Variants in PLPPR1 observed in about 807,000 individuals in gnomAD.
The protein encoded by PLPPR1 is phospholipid phosphatase related 1.
In PLPPR1, 10 loss-of-function variants were observed where a neutral mutation model predicts 33.1. The observed-to-expected ratio is 0.30, with a 90% confidence interval of 0.19 to 0.51. PLPPR1 has a LOEUF of 0.51. Ranked by LOEUF, PLPPR1 falls within the 20% of genes least tolerant of loss-of-function variation. The pLI is 0.97. For missense variants in PLPPR1, 304 were observed against 408.1 expected, an observed-to-expected ratio of 0.74 and a Z score of 2.20; for synonymous variants, 151 against 151.0, an observed-to-expected ratio of 1.00 and a Z score of 0.00.
intron 2 of PLPPR1, among the ~76,000 whole-genome samples, chr9:101,268,854 C>A (rs1346853627): frequency 2.0e-5 from 3 of 151,980 alleles, no homozygotes; most frequent in Admixed American, 1.3e-4. Context: ...TTTTAGTTTG[C>A]CTGTTTTGTT....
intron 1 of PLPPR1, among the ~76,000 whole-genome samples, chr9:101,035,257 G>A (rs1002859873): frequency 2.6e-5 from 4 of 152,162 alleles, no homozygotes; most frequent in African/African-American, 9.7e-5. Context: ...GAATCCCAGT[G>A]GATGTGGAAA....
At chr9:101,090,899 A>G (rs1830733543) in intron 1 of PLPPR1, among the ~76,000 whole-genome samples, 3 of 151,394 alleles carry the variant, frequency 2.0e-5, no homozygotes, top group Admixed American at 2.0e-4. Context: ...CCCATCCTCT[A>G]AATTCCACTG....
intron 3 of PLPPR1, among the ~76,000 whole-genome samples, chr9:101,278,810 A>G (rs368432292): frequency 1.4e-4 from 21 of 152,288 alleles, no homozygotes; most frequent in African/African-American, 4.8e-4. Flanking sequence ...CAGTGTCTAT[A>G]GGATCTGGAC....
chr9:101,309,487 T>C (rs1359568092), intron 5 of PLPPR1, 26 bp downstream of exon 5: 1 of 1,607,058 alleles, frequency 6.2e-7, no homozygotes, highest in East Asian at 2.2e-5. Flanking sequence ...TTGTCTCTCC[T>C]AAGTCCAGTT....
chr9:101,196,851 C>A (rs918329031), intron 2 of PLPPR1, among the ~76,000 whole-genome samples: 13 of 148,168 alleles, frequency 8.8e-5, no homozygotes, highest in Non-Finnish European at 1.8e-4. Flanking sequence ...GGCGACAGAG[C>A]AAGACTCTGT....
intron 1 of PLPPR1, among the ~76,000 whole-genome samples, chr9:101,090,251 C>A (rs1830725669): frequency 6.6e-6 from 1 of 152,134 alleles, no homozygotes; most frequent in Admixed American, 6.5e-5. Flanking sequence ...AACAAGGTCA[C>A]ATTCTGAGGT....
intron 2 of PLPPR1, among the ~76,000 whole-genome samples, chr9:101,250,822 G>A (rs1419850850): frequency 6.6e-6 from 1 of 152,002 alleles, no homozygotes; most frequent in African/African-American, 2.4e-5. Flanking sequence ...TAGATTTGGG[G>A]ACTAAACTGT....
At chr9:101,198,022 C>A (rs1826429364) in intron 2 of PLPPR1, among the ~76,000 whole-genome samples, 1 of 152,190 alleles carries the variant, frequency 6.6e-6, no homozygotes, top group Admixed American at 6.5e-5. Context: ...TTTCACTTGT[C>A]AGTCTTGTTT....
chr9:101,108,274 C>T (rs998130172), intron 1 of PLPPR1, among the ~76,000 whole-genome samples: 2 of 152,146 alleles, frequency 1.3e-5, no homozygotes, highest in African/African-American at 4.8e-5. Context: ...TCAGGTAATG[C>T]ATGATAAAAA....
At chr9:101,120,228 C>T (rs72741430) in intron 1 of PLPPR1, among the ~76,000 whole-genome samples, 22,803 of 152,210 alleles carry the variant, frequency 0.15, 2,090 homozygotes, top group Non-Finnish European at 0.2. Context: ...TATTTTTACT[C>T]CTGTTAGCAC....
intron 2 of PLPPR1, among the ~76,000 whole-genome samples, chr9:101,189,849 T>A (rs192264217): frequency 1.1e-3 from 170 of 152,270 alleles, no homozygotes; most frequent in African/African-American, 3.9e-3. Flanking sequence ...TTATATCAAA[T>A]GCAATTATGT....
chr9:101,144,592 C>G (rs1240826739), intron 1 of PLPPR1, among the ~76,000 whole-genome samples: 1 of 152,084 alleles, frequency 6.6e-6, no homozygotes, highest in African/African-American at 2.4e-5. Flanking sequence ...AAAACCAAAC[C>G]TATTGACACA....
At chr9:101,246,493 T>C (rs929522656) in intron 2 of PLPPR1, among the ~76,000 whole-genome samples, 17 of 152,026 alleles carry the variant, frequency 1.1e-4, no homozygotes, top group African/African-American at 4.1e-4. Context: ...TATTGGTAGA[T>C]ACTATTGTTT....
At position 101,323,761 on chromosome 9, in the gene PLPPR1, C is replaced by A. The variant is rs182710481; in HGVS notation, c.946-264C>A. Among the ~76,000 whole-genome samples, 410 of 152,042 alleles carry A rather than the reference C, an allele frequency of 2.7e-3. 3 individuals are homozygous for A. Among genetic ancestry groups the A allele is most frequent in the African/African-American group, 9.4e-3 (390 of 41,454 alleles). On this transcript the variant is annotated intron_variant, in intron 7 of 7. Coordinates refer to ENST00000374874, the MANE Select transcript of PLPPR1 (RefSeq NM_207299.2). ...GGCTGAGGCAGGAGAATTGCTTGAA[C>A]CCAGGAGGGAGAGGTTGCAGTAAGC...
chr9:101,066,472 G>T (rs1830416298), intron 1 of PLPPR1, among the ~76,000 whole-genome samples: 1 of 151,734 alleles, frequency 6.6e-6, no homozygotes, highest in Non-Finnish European at 1.5e-5. Context: ...TGGGGGTGGG[G>T]GAGTATCAAT....
chr9:101,314,774 C>A (rs1294640562), intron 6 of PLPPR1, among the ~76,000 whole-genome samples: 1 of 151,068 alleles, frequency 6.6e-6, no homozygotes, highest in Non-Finnish European at 1.5e-5. Context: ...ATATCTGCAA[C>A]ATGCAATAAA....
chr9:101,225,569 C>T (rs1302555550), intron 2 of PLPPR1, among the ~76,000 whole-genome samples: 1 of 152,068 alleles, frequency 6.6e-6, no homozygotes, highest in South Asian at 2.1e-4. Context: ...CAGCTGAACA[C>T]GAAGCGGGAG....
chr9:101,251,895 C>T (rs969991342), intron 2 of PLPPR1, among the ~76,000 whole-genome samples: 1 of 152,070 alleles, frequency 6.6e-6, no homozygotes, highest in South Asian at 2.1e-4. Context: ...ATTTTTAAAT[C>T]TACCTATGAT....
intron 1 of PLPPR1, among the ~76,000 whole-genome samples, chr9:101,080,855 A>C (rs1329585551): frequency 6.6e-6 from 1 of 152,198 alleles, no homozygotes; most frequent in African/African-American, 2.4e-5. Context: ...AGAAAGAACA[A>C]TGGTAGTAGA....
Sources: allele counts gnomAD v4.1 joint callset (sites outside exome capture counted in the v4.1 genomes callset), GRCh38; gene constraint gnomAD v4.1.1; transcripts MANE v1.5; gene names NCBI Gene and HGNC (gene_info 2026-07-23, HGNC 2026-07-21).